Variants in PLEKHH2 observed in about 807,000 individuals in gnomAD.
PLEKHH2 encodes pleckstrin homology domain-containing family H member 2.
A neutral mutation model predicts 187.9 loss-of-function variants in PLEKHH2; 129 were observed. That is an observed-to-expected ratio of 0.69 (90% CI 0.59 to 0.79). The LOEUF (loss-of-function observed/expected upper bound fraction) is 0.79. Among genes scored for constraint, PLEKHH2 ranks in the 30% least tolerant of loss-of-function variants. The probability of loss-of-function intolerance (pLI) is 0.00; values close to 1 mark genes in which losing one functional copy is unlikely to be tolerated. For missense variants in PLEKHH2, 2,076 were observed against 1,751.2 expected (o/e 1.19, Z -3.31); for synonymous variants, 686 against 605.6 (o/e 1.13, Z -1.95).
intron 2 of PLEKHH2, chr2:43,675,488 T>C (rs1667703739): frequency 6.2e-7 from 1 of 1,613,916 alleles, no homozygotes; most frequent in East Asian, 2.2e-5. Flanking sequence ...TTTTGGGGGG[T>C]CAGTCCATTG....
intron 2 of PLEKHH2, among the ~76,000 whole-genome samples, chr2:43,673,058 A>T (rs1283316232): frequency 6.6e-6 from 1 of 152,182 alleles, no homozygotes; most frequent in Non-Finnish European, 1.5e-5. Context: ...TTTCATATAT[A>T]TTTAAAACAT....
chr2:43,755,704 G>A (rs897470180), intron 25 of PLEKHH2, among the ~76,000 whole-genome samples: 3 of 152,174 alleles, frequency 2.0e-5, no homozygotes, highest in African/African-American at 7.2e-5. Flanking sequence ...GGCTCCTTCA[G>A]TCATGTCTGG....
At position 43,730,764 on chromosome 2, in the gene PLEKHH2, G is replaced by A. The variant is rs150586444; in HGVS notation, c.2831-726G>A. On this transcript the variant is annotated intron_variant, in intron 18 of 29. Transcript: ENST00000282406. ...CTAGATTCTATCCTATGCTTTATACGCTAAGAGAGACCACATTTTATTTGC... is the reference window on the plus strand; with the variant it reads ...CTAGATTCTATCCTATGCTTTATACACTAAGAGAGACCACATTTTATTTGC... 2.5e-3 allele frequency among the ~76,000 whole-genome samples: 375 copies of A among 152,130 alleles called. 1 individual carries two copies. Among genetic ancestry groups the A allele is most frequent in the African/African-American group, 8.6e-3 (357 of 41,520 alleles).
At chr2:43,711,430 C>T in intron 14 of PLEKHH2, 1 of 977,912 alleles carries the variant, frequency 1.0e-6, no homozygotes. Context: ...ATTCTGAGTT[C>T]ATAATATCTA....
At chr2:43,748,334 C>T (rs1003722940) in intron 24 of PLEKHH2, among the ~76,000 whole-genome samples, 3 of 152,214 alleles carry the variant, frequency 2.0e-5, no homozygotes, top group Admixed American at 2.0e-4. Flanking sequence ...GGCTTCATCC[C>T]TGGAGGGACC....
chr2:43,742,418 C>T (rs1468754480), intron 21 of PLEKHH2, among the ~76,000 whole-genome samples: 6 of 152,020 alleles, frequency 3.9e-5, no homozygotes, highest in African/African-American at 7.2e-5. Flanking sequence ...ATTCTTCATG[C>T]AATTGCTTTC....
chr2:43,678,052 C>T (rs1488989349), intron 2 of PLEKHH2, among the ~76,000 whole-genome samples: 21 of 147,558 alleles, frequency 1.4e-4, no homozygotes, highest in South Asian at 4.4e-4. Context: ...CTGGCAGAGA[C>T]GCTCCTCACC....
At chr2:43,689,989 G>A (rs1363789235) in intron 3 of PLEKHH2, among the ~76,000 whole-genome samples, 5 of 152,122 alleles carry the variant, frequency 3.3e-5, no homozygotes, top group African/African-American at 4.8e-5. Context: ...ATGTAGGTCT[G>A]GTAGCATTTA....
chr2:43,708,397 T>C (rs1669777600), intron 11 of PLEKHH2, among the ~76,000 whole-genome samples: 1 of 152,188 alleles, frequency 6.6e-6, no homozygotes, highest in South Asian at 2.1e-4. Context: ...ATGCTTGCAT[T>C]TCAGGACCTT....
intron 15 of PLEKHH2, among the ~76,000 whole-genome samples, chr2:43,718,749 G>T (rs1408012836): frequency 6.6e-6 from 1 of 151,950 alleles, no homozygotes; most frequent in Admixed American, 6.6e-5. Context: ...TCTGAAGATT[G>T]TTTGAAGAAG....
At position 43,765,848 on chromosome 2, in the gene PLEKHH2, TC is replaced by T. The variant is rs1356776253; in HGVS notation, c.*252del. 5 of 365,668 alleles carry T rather than the reference TC, an allele frequency of 1.4e-5. No individual in the cohort carries two copies. The highest frequency in any genetic ancestry group is 1.3e-4 in the Admixed American group (3 of 22,882). The allele number at this position is 365,668 out of a possible 1,614,324, so 22.7% of individuals were successfully genotyped here. A position where few individuals can be genotyped will look rare whatever the true frequency, so the allele number is the denominator to read the frequency against. On this transcript the variant is annotated 3_prime_UTR_variant, in exon 30 of 30. Coordinates refer to ENST00000282406, the MANE Select transcript of PLEKHH2 (RefSeq NM_172069.4). ...AAATGAGTAAGAATTCATCATTTTT[TC>T]CATCTCCCTTCTCCCTTGTCATCAG...
At chr2:43,640,211 C>CT (rs34494657) in intron 1 of PLEKHH2, among the ~76,000 whole-genome samples, 46 of 143,624 alleles carry the variant, frequency 3.2e-4, no homozygotes, top group East Asian at 8.1e-4. Context: ...TATATTTAAA[C>CT]TTTTTTTTTT....
intron 1 of PLEKHH2, among the ~76,000 whole-genome samples, chr2:43,643,833 A>T (rs17031162): frequency 6.6e-6 from 1 of 152,162 alleles, no homozygotes; most frequent in East Asian, 1.9e-4. Context: ...GCCAGAAACC[A>T]TCATGCTTCC....
chr2:43,652,604 A>T (rs1666543562), intron 2 of PLEKHH2, among the ~76,000 whole-genome samples: 1 of 152,350 alleles, frequency 6.6e-6, no homozygotes. Flanking sequence ...TGATGCTGAC[A>T]TCAGTAGTTC....
chr2:43,694,598 G>A, intron 5 of PLEKHH2, 84 bp downstream of exon 5: 1 of 1,360,160 alleles, frequency 7.4e-7, no homozygotes, highest in South Asian at 1.6e-5. Context: ...ATTACTCTGA[G>A]TAAAACAAAG....
chr2:43,757,773 T>C (rs1672273808), intron 26 of PLEKHH2, among the ~76,000 whole-genome samples: 1 of 148,490 alleles, frequency 6.7e-6, no homozygotes, highest in Non-Finnish European at 1.5e-5. Flanking sequence ...TAAACTTTCT[T>C]TAATTAAAAA....
At chr2:43,686,169 T>G (rs191748598) in intron 3 of PLEKHH2, among the ~76,000 whole-genome samples, 2 of 151,952 alleles carry the variant, frequency 1.3e-5, no homozygotes, top group African/African-American at 4.8e-5. Flanking sequence ...CTCTTCCTTC[T>G]TCCTCTTCCT....
Position 43,706,265 on chromosome 2 carries a change from G to A in PLEKHH2, c.1727-57G>A. 5.9e-6 allele frequency: 7 copies of A among 1,185,910 alleles called. No individual in the cohort carries two copies. The South Asian group carries it at 8.7e-5, about 15-fold the overall frequency. 73.5% of individuals were successfully genotyped at this position (1,185,910 alleles called of 1,614,324 possible). The stretch of plus-strand genomic sequence containing the variant: ...TGCTCATTTGTATTCATAAGAAAAA[G>A]ACCAATGTGCTAATTAGAAGTTTTT... On this transcript the variant is annotated intron_variant, in intron 9 of 29. Coordinates refer to ENST00000282406, the MANE Select transcript of PLEKHH2 (RefSeq NM_172069.4).
intron 25 of PLEKHH2, among the ~76,000 whole-genome samples, chr2:43,756,446 C>A (rs1672214291): frequency 6.6e-6 from 1 of 152,046 alleles, no homozygotes; most frequent in Admixed American, 6.6e-5. Context: ...GTGCCTGCCA[C>A]CACACCCGTC....
Sources: allele counts gnomAD v4.1 joint callset (sites outside exome capture counted in the v4.1 genomes callset), GRCh38; gene constraint gnomAD v4.1.1; transcripts MANE v1.5; gene names NCBI Gene and HGNC (gene_info 2026-07-23, HGNC 2026-07-21).